The following KIF11 variants were observed in gnomAD, a reference collection of about 807,000 sequenced individuals.
The protein encoded by KIF11 is kinesin family member 11.
KIF11 carries 9 observed loss-of-function variants against 121.0 expected under a neutral mutation model. That is an observed-to-expected ratio of 0.07 (90% CI 0.04 to 0.13). KIF11 has a LOEUF of 0.13. Among genes scored for constraint, KIF11 ranks in the 10% least tolerant of loss-of-function variants. The pLI, the probability that KIF11 is intolerant of heterozygous loss-of-function variation, is 1.00. For missense variants in KIF11, 846 were observed against 1,217.5 expected (o/e 0.69, Z 4.54); for synonymous variants, 408 against 421.0 (o/e 0.97, Z 0.38).
At chr10:92,606,243 C>T (rs1844429278) in intron 1 of KIF11, 22 bp from the exon 2 acceptor site, 1 of 1,559,176 alleles carries the variant, frequency 6.4e-7, no homozygotes, top group Non-Finnish European at 8.6e-7. Flanking sequence ...TCTTGAATGA[C>T]TTTGTGTATT....
At chr10:92,629,022 C>T (rs1489759057) in intron 11 of KIF11, 127 bp downstream of exon 11, 3 of 558,742 alleles carry the variant, frequency 5.4e-6, no homozygotes, top group Non-Finnish European at 9.7e-6. Flanking sequence ...GCTCTGTCAC[C>T]CAGGCTGGAG....
chr10:92,641,818 G>A (rs149449404), intron 17 of KIF11, among the ~76,000 whole-genome samples: 10 of 152,156 alleles, frequency 6.6e-5, no homozygotes, highest in African/African-American at 2.4e-4. Context: ...CAGGAGATAT[G>A]TAGAATATAT....
At chr10:92,606,765 G>A in intron 3 of KIF11, 49 bp downstream of exon 3, 2 of 951,680 alleles carry the variant, frequency 2.1e-6, no homozygotes, top group South Asian at 2.7e-5. Flanking sequence ...TTAAATGCTT[G>A]TGTTTTTTGT....
At chr10:92,631,608 A>G (rs7078179) in intron 12 of KIF11, among the ~76,000 whole-genome samples, 22,304 of 146,832 alleles carry the variant, frequency 0.15, 3,552 homozygotes, top group African/African-American at 0.4. Context: ...TGATCCACCC[A>G]CCTCGGCCTC....
chr10:92,595,164 A>G (rs1008961211), intron 1 of KIF11, among the ~76,000 whole-genome samples: 23 of 152,222 alleles, frequency 1.5e-4, no homozygotes, highest in African/African-American at 5.1e-4. Context: ...GATTCAAGCA[A>G]TTTTCCCACT....
At position 92,648,320 on chromosome 10, in the gene KIF11, A is replaced by G. The variant is rs750912244; in HGVS notation, c.2656A>G (p.Ile886Val). The G allele has an allele frequency of 8.7e-6, 14 of 1,610,180 alleles. No individual in the cohort carries two copies. Among genetic ancestry groups the G allele is most frequent in the Middle Eastern group, 1.6e-4 (1 of 6,080 alleles). ...TAACATTTTTCTTGATCAGATGACT[A>G]TTGATGAAGATAAATTGATAGCACA... The part of the protein sequence containing the change: ...QHNIFLDQMT[I>V]DEDKLIAQNL... Residue 886 changes from isoleucine to valine, a missense_variant, in exon 19 of 22, where the codon ATT becomes GTT. By Grantham distance (29) the Ile-to-Val change is conservative. This residue lies in a region of KIF11 where 492 missense variants were observed against 603.4 expected (regional missense o/e 0.82). Transcript: ENST00000260731.
intron 19 of KIF11, among the ~76,000 whole-genome samples, 177 bp downstream of exon 19, chr10:92,648,611 T>C (rs1844946360): frequency 6.6e-6 from 1 of 152,232 alleles, no homozygotes; most frequent in Non-Finnish European, 1.5e-5. Flanking sequence ...TCAAGTGTCA[T>C]GATACAGGTG....
chr10:92,608,678 C>A (rs1468828403), intron 4 of KIF11, among the ~76,000 whole-genome samples: 1 of 152,144 alleles, frequency 6.6e-6, no homozygotes, highest in Middle Eastern at 3.2e-3. Flanking sequence ...ACCTTGTGAT[C>A]CACCTGCCTT....
At chr10:92,608,960 A>T in intron 4 of KIF11, 60 bp from the exon 5 acceptor site, 1 of 966,624 alleles carries the variant, frequency 1.0e-6, no homozygotes, top group Non-Finnish European at 1.5e-6. Flanking sequence ...AGGCCCATGT[A>T]TTTTAACTGC....
At chr10:92,596,033 G>A (rs1267718100) in intron 1 of KIF11, among the ~76,000 whole-genome samples, 1 of 151,968 alleles carries the variant, frequency 6.6e-6, no homozygotes, top group Admixed American at 6.6e-5. Flanking sequence ...ACCGAGTCTC[G>A]CTCTGTTGCC....
intron 9 of KIF11, among the ~76,000 whole-genome samples, chr10:92,620,526 AGTT>A (rs369925450): frequency 6.6e-6 from 1 of 152,208 alleles, no homozygotes; most frequent in African/African-American, 2.4e-5. Flanking sequence ...AACCCATTGT[AGTT>A]GTTCTCCTCA....
In KIF11 at chr10:92,613,672, C is replaced by CT; in HGVS notation, c.1032+54dup. 6.6e-7 allele frequency: 1 copy of CT among 1,524,250 alleles called. No homozygotes were observed. Among genetic ancestry groups the CT allele is most frequent in the Non-Finnish European group, 8.9e-7 (1 of 1,129,768 alleles). 94.4% of individuals were successfully genotyped at this position (1,524,250 alleles called of 1,614,324 possible). ...TGTAGTAGCTGTAATTCTTATTTGG[C>CT]TATTATATATTTTAAAAGTTCATTT... On this transcript the variant is annotated intron_variant, in intron 8 of 21. Coordinates refer to ENST00000260731, the MANE Select transcript of KIF11 (RefSeq NM_004523.4). This position sits in a 1 kb window ranked among gnomAD's most constrained non-coding sequence, Gnocchi z 4.2.
intron 17 of KIF11, among the ~76,000 whole-genome samples, chr10:92,642,227 G>A (rs1844872453): frequency 6.6e-6 from 1 of 152,002 alleles, no homozygotes; most frequent in African/African-American, 2.4e-5. Context: ...TGAAGATTTT[G>A]GGTATTATGT....
intron 4 of KIF11, among the ~76,000 whole-genome samples, chr10:92,608,069 A>T (rs999910009): frequency 1.4e-5 from 2 of 145,144 alleles, no homozygotes; most frequent in African/African-American, 4.9e-5. Context: ...TCTGTCTCAA[A>T]AAAAAACAAA....
intron 12 of KIF11, among the ~76,000 whole-genome samples, chr10:92,631,455 G>T (rs1446257582): frequency 6.8e-6 from 1 of 147,782 alleles, no homozygotes; most frequent in Non-Finnish European, 1.5e-5. Flanking sequence ...TCCGCTTCCC[G>T]GGTTCACGCC....
chr10:92,638,429 C>T (rs1844830277), intron 16 of KIF11, among the ~76,000 whole-genome samples: 1 of 152,110 alleles, frequency 6.6e-6, no homozygotes. Context: ...AAAACTGCAG[C>T]ATTTTCTCAT....
Position 92,654,699 on chromosome 10 carries a change from T to C in KIF11, c.*903T>C, listed in dbSNP as rs963755235. ...CTGTCAACAATAAATCTAACCCTAG[T>C]TGTATCCCTCCTTTCAGTATTTTTC... On this transcript the variant is annotated 3_prime_UTR_variant, in exon 22 of 22. Coordinates refer to ENST00000260731, the MANE Select transcript of KIF11 (RefSeq NM_004523.4). 4 of 152,218 alleles carry C rather than the reference T, an allele frequency of 2.6e-5. No individual in the cohort carries two copies. The highest frequency in any genetic ancestry group is 9.6e-5 in the African/African-American group (4 of 41,458). The allele number at this position is 152,218 out of a possible 1,614,324, so 9.4% of individuals were successfully genotyped here. A position where few individuals can be genotyped will look rare whatever the true frequency, so the allele number is the denominator to read the frequency against.
chr10:92,611,875 G>A (rs1441101418), intron 6 of KIF11, among the ~76,000 whole-genome samples: 1 of 151,974 alleles, frequency 6.6e-6, no homozygotes. Flanking sequence ...CTCTAGCCTG[G>A]GCAATAAGTC....
chr10:92,639,846 A>G lies in KIF11; in HGVS notation c.2213A>G (p.Glu738Gly). 1 of 1,611,158 alleles carries G rather than the reference A, an allele frequency of 6.2e-7. No individual in the cohort carries two copies. The highest frequency in any genetic ancestry group is 8.5e-7 in the Non-Finnish European group (1 of 1,177,932). ...ACAGAGAGATTCTGTGCTTTGGAGG[A>G]AAAGTGTGAAAATATACAGAAACCA... ...LWTERFCALE[E>G]KCENIQKPLS... The change falls in exon 17 of 22, where the codon GAA becomes GGA. Residue 738 changes from glutamate to glycine, a missense_variant. Glu to Gly is a moderately conservative substitution (Grantham distance 98, BLOSUM62 -2). Transcript: ENST00000260731.
Sources: gnomAD v4.1 joint callset for allele counts (sites outside exome capture counted in the v4.1 genomes callset) on GRCh38, gnomAD v4.1.1 for gene constraint, gnomAD v4.1.1 regional missense constraint, Gnocchi (gnomAD v3.1) non-coding constraint, MANE v1.5 for transcripts, NCBI Gene and HGNC (gene_info 2026-07-23, HGNC 2026-07-21) for gene names.